The following DMD variants were observed in gnomAD, a reference collection of about 807,000 sequenced individuals.
DMD encodes the protein dystrophin.
A neutral mutation model predicts 330.1 loss-of-function variants in DMD; 63 were observed. That is an observed-to-expected ratio of 0.19 (90% CI 0.16 to 0.24). DMD has a LOEUF of 0.24. Ranked by LOEUF, DMD falls within the 10% of genes least tolerant of loss-of-function variation. The pLI is 1.00. For missense variants in DMD, 3,344 were observed against 2,684.1 expected (o/e 1.25, Z -5.43); for synonymous variants, 1,223 against 959.8 (o/e 1.27, Z -5.07).
intron 51 of DMD, among the ~76,000 whole-genome samples, chrX:31,773,724 CT>C (rs762551529): frequency 0.01 from 548 of 53,528 alleles, 2 homozygotes; most frequent in East Asian, 0.052. Flanking sequence ...AAGGTTTCTG[CT>C]TTTTTTTTTT....
intron 62 of DMD, among the ~76,000 whole-genome samples, chrX:31,295,334 A>T (rs182070293): frequency 1.8e-5 from 2 of 110,658 alleles, no homozygotes; most frequent in East Asian, 5.7e-4. Context: ...TGTGTGTGTT[A>T]GCATTTTTTT....
At chrX:32,480,593 G>A (rs914826109) in intron 21 of DMD, among the ~76,000 whole-genome samples, 2 of 111,279 alleles carry the variant, frequency 1.8e-5, no homozygotes, top group East Asian at 2.8e-4. Context: ...TACACAGTAT[G>A]TGTCTGTGTG....
At chrX:32,985,097 A>C (rs1482662658) in intron 2 of DMD, among the ~76,000 whole-genome samples, 1 of 112,433 alleles carries the variant, frequency 8.9e-6, no homozygotes, top group African/African-American at 3.2e-5. Context: ...ATGCTTTCGC[A>C]GTTTCTATCT....
intron 1 of DMD, among the ~76,000 whole-genome samples, chrX:33,265,323 A>G (rs1048561457): frequency 9.0e-6 from 1 of 111,153 alleles, no homozygotes; most frequent in Non-Finnish European, 1.9e-5. Flanking sequence ...TCCAAAAGTC[A>G]AAAGATGCCA....
chrX:32,664,627 C>A (rs1259964226), intron 9 of DMD, among the ~76,000 whole-genome samples: 1 of 111,992 alleles, frequency 8.9e-6, no homozygotes, highest in Non-Finnish European at 1.9e-5. Flanking sequence ...TTTGGGGCAA[C>A]TGGAAGGCTA....
chrX:31,201,943 A>G (rs2043518672), intron 67 of DMD, among the ~76,000 whole-genome samples: 2 of 111,950 alleles, frequency 1.8e-5, no homozygotes, highest in Non-Finnish European at 3.8e-5. Context: ...CTGTAATCCC[A>G]GCACTTTGGG....
At chrX:33,172,002 C>T (rs948078847) in intron 1 of DMD, among the ~76,000 whole-genome samples, 3 of 110,074 alleles carry the variant, frequency 2.7e-5, no homozygotes, top group Non-Finnish European at 5.7e-5. Context: ...TGCATCTTGA[C>T]GCAAACAAAA....
rs184172505 is a variant in DMD at position 31,606,860 on chromosome X, C to G, written c.8217+20813G>C. 5.4e-5 allele frequency among the ~76,000 whole-genome samples: 6 copies of G among 111,576 alleles called. No individual in the cohort carries two copies. In the East Asian group the frequency reaches 1.4e-3, roughly 26 times the overall value. ...GTTTTCTTTTCATGGGGACAAAATT[C>G]GTTTTAAGAACTCTGGTATATAAAT... On this transcript the variant is annotated intron_variant, in intron 55 of 78. Transcript: ENST00000357033.
chrX:31,762,829 TAG>T (rs756846125), intron 51 of DMD, among the ~76,000 whole-genome samples: 3 of 112,480 alleles, frequency 2.7e-5, no homozygotes, highest in Admixed American at 9.4e-5. Flanking sequence ...CTAAAATTCT[TAG>T]AGTGTCTAAA....
chrX:32,875,607 C>T (rs1259826178), intron 2 of DMD, among the ~76,000 whole-genome samples: 1 of 111,975 alleles, frequency 8.9e-6, no homozygotes, highest in African/African-American at 3.2e-5. Context: ...ATAAATACAT[C>T]AATGCATTTA....
upstream of DMD, among the ~76,000 whole-genome samples, chrX:33,213,169 A>C (rs188080615): frequency 1.8e-5 from 2 of 111,667 alleles, no homozygotes; most frequent in East Asian, 2.8e-4. Context: ...TGCATGGTCA[A>C]CTTTGAGAAA....
chrX:31,714,645 T>G (rs186311340), intron 52 of DMD, among the ~76,000 whole-genome samples: 240 of 112,024 alleles, frequency 2.1e-3, no homozygotes, highest in Middle Eastern at 0.014. Flanking sequence ...TGATGAAGAC[T>G]GTTACATAAT....
intron 1 of DMD, among the ~76,000 whole-genome samples, chrX:33,143,386 G>A (rs1020957187): frequency 1.8e-5 from 2 of 110,767 alleles, no homozygotes; most frequent in South Asian, 3.8e-4. Flanking sequence ...TTATTTATAA[G>A]GCAATTGAGT....
intron 7 of DMD, among the ~76,000 whole-genome samples, chrX:32,714,133 C>A (rs1030676464): frequency 1.8e-5 from 2 of 111,571 alleles, no homozygotes; most frequent in Non-Finnish European, 3.8e-5. Context: ...ATTAGTCAAA[C>A]CATCTTAAGT....
chrX:31,404,994 G>C (rs1255057901), intron 60 of DMD, among the ~76,000 whole-genome samples: 1 of 111,854 alleles, frequency 8.9e-6, no homozygotes, highest in Non-Finnish European at 1.9e-5. Flanking sequence ...AAAATGGAGA[G>C]TGTGAAATAA....
At chrX:31,779,375 G>A (rs1002247275) in intron 50 of DMD, among the ~76,000 whole-genome samples, 11 of 111,172 alleles carry the variant, frequency 9.9e-5, no homozygotes, top group African/African-American at 2.3e-4. Flanking sequence ...CATTCACCCC[G>A]TTTCTTATGC....
chrX:32,254,641 T>C (rs1316913647), intron 43 of DMD, among the ~76,000 whole-genome samples: 2 of 111,866 alleles, frequency 1.8e-5, no homozygotes, highest in Non-Finnish European at 3.8e-5. Flanking sequence ...TGATTCATAA[T>C]GTGAAGGGTG....
intron 2 of DMD, among the ~76,000 whole-genome samples, chrX:32,936,363 G>A (rs927146769): frequency 5.4e-5 from 6 of 111,542 alleles, no homozygotes; most frequent in Non-Finnish European, 1.1e-4. Context: ...TGCCTGCCTC[G>A]GCCTCCCAAA....
chrX:33,160,249 A>T (rs1179328786), intron 1 of DMD, among the ~76,000 whole-genome samples: 2 of 112,025 alleles, frequency 1.8e-5, no homozygotes, highest in Non-Finnish European at 3.8e-5. Flanking sequence ...TTTTCAAATT[A>T]TGGTGGGTTT....
Sources: gnomAD v4.1 joint callset for allele counts (sites outside exome capture counted in the v4.1 genomes callset) on GRCh38, gnomAD v4.1.1 for gene constraint, MANE v1.5 for transcripts, NCBI Gene and HGNC (gene_info 2026-07-23, HGNC 2026-07-21) for gene names.